The following HMGN5 variants were observed in gnomAD, a reference collection of about 807,000 sequenced individuals.
The protein encoded by HMGN5 is high mobility group nucleosome binding domain 5.
A neutral mutation model predicts 9.5 loss-of-function variants in HMGN5; 4 were observed. The ratio of observed to expected loss-of-function variants is 0.42; its 90% CI spans 0.21 to 0.96. HMGN5 has a LOEUF of 0.96. Among genes scored for constraint, HMGN5 ranks in the 40% least tolerant of loss-of-function variants. The probability of loss-of-function intolerance (pLI) is 0.30; values close to 1 mark genes in which losing one functional copy is unlikely to be tolerated. For missense variants in HMGN5, 192 were observed against 187.5 expected, an observed-to-expected ratio of 1.02 and a Z score of -0.14; for synonymous variants, 55 against 57.1, an observed-to-expected ratio of 0.96 and a Z score of 0.16.
chrX:81,151,428 T>C (rs2075362030), intron 1 of HMGN5, among the ~76,000 whole-genome samples: 1 of 111,226 alleles, frequency 9.0e-6, no homozygotes, highest in Non-Finnish European at 1.9e-5. Context: ...CTTGGCGATG[T>C]AGGCTCTTTT....
chrX:81,157,907 G>A (rs1376449844), intron 1 of HMGN5, among the ~76,000 whole-genome samples: 1 of 109,930 alleles, frequency 9.1e-6, no homozygotes, highest in Non-Finnish European at 1.9e-5. Flanking sequence ...AGCCTCCCAA[G>A]TAGCTGAGAC....
intron 1 of HMGN5, among the ~76,000 whole-genome samples, chrX:81,198,591 G>A (rs1041218524): frequency 8.9e-6 from 1 of 111,800 alleles, no homozygotes; most frequent in African/African-American, 3.3e-5. Flanking sequence ...ATCAATTAAT[G>A]TAATCCATCA....
At chrX:81,124,045 C>T (rs770826274) in intron 1 of HMGN5, among the ~76,000 whole-genome samples, 1 of 112,305 alleles carries the variant, frequency 8.9e-6, no homozygotes, top group East Asian at 2.8e-4. Context: ...CTTAGAGAAG[C>T]AAAGCATAAT....
chrX:81,157,759 T>A (rs985117647), intron 1 of HMGN5, among the ~76,000 whole-genome samples: 5 of 111,186 alleles, frequency 4.5e-5, no homozygotes, highest in African/African-American at 1.3e-4. Context: ...ATATAAAAAA[T>A]TTTATCAACT....
chrX:81,189,876 T>C (rs1483585073), intron 1 of HMGN5, among the ~76,000 whole-genome samples: 1 of 112,490 alleles, frequency 8.9e-6, no homozygotes, highest in African/African-American at 3.2e-5. Flanking sequence ...TTGCTATACA[T>C]TCTCACCAGC....
At chrX:81,178,253 T>TA (rs988649842) in intron 1 of HMGN5, among the ~76,000 whole-genome samples, 1 of 110,776 alleles carries the variant, frequency 9.0e-6, no homozygotes, top group Admixed American at 9.6e-5. Flanking sequence ...AAAAAACCCT[T>TA]AAAAAATCAA....
intron 1 of HMGN5, among the ~76,000 whole-genome samples, chrX:81,152,823 T>C (rs2075367699): frequency 9.2e-6 from 1 of 108,747 alleles, no homozygotes; most frequent in South Asian, 4.1e-4. Context: ...CCATAAAAAA[T>C]GATGAGTTCA....
At chrX:81,147,915 C>A (rs1471426149) in intron 1 of HMGN5, among the ~76,000 whole-genome samples, 1 of 111,391 alleles carries the variant, frequency 9.0e-6, no homozygotes, top group Non-Finnish European at 1.9e-5. Flanking sequence ...CCTAGGAATC[C>A]AACTTACAGG....
intron 1 of HMGN5, among the ~76,000 whole-genome samples, chrX:81,170,539 T>G (rs2075423477): frequency 9.0e-6 from 1 of 111,546 alleles, no homozygotes; most frequent in South Asian, 3.7e-4. Context: ...TGTCTAGTAA[T>G]GTTAATTGCC....
intron 1 of HMGN5, among the ~76,000 whole-genome samples, chrX:81,123,197 ATTT>A (rs1455803708): frequency 2.7e-5 from 3 of 110,087 alleles, no homozygotes; most frequent in Admixed American, 9.7e-5. Context: ...TTGCTATATT[ATTT>A]TTATTTTGTT....
chrX:81,166,263 C>A (rs1324061145), intron 1 of HMGN5, among the ~76,000 whole-genome samples: 1 of 111,142 alleles, frequency 9.0e-6, no homozygotes, highest in Non-Finnish European at 1.9e-5. Flanking sequence ...GGGATTATTA[C>A]CAAATTCTTC....
At chrX:81,143,897 G>T (rs911027267) in intron 1 of HMGN5, among the ~76,000 whole-genome samples, 1 of 112,201 alleles carries the variant, frequency 8.9e-6, no homozygotes, top group African/African-American at 3.2e-5. Context: ...TTTGAACTGG[G>T]CAGAGCCCAC....
At chrX:81,192,778 T>C (rs767839708) in intron 1 of HMGN5, among the ~76,000 whole-genome samples, 1 of 112,261 alleles carries the variant, frequency 8.9e-6, no homozygotes, top group East Asian at 2.8e-4. Context: ...AGCACAGTTA[T>C]ATTCTATGCT....
intron 1 of HMGN5, among the ~76,000 whole-genome samples, chrX:81,146,249 A>T (rs1237724287): frequency 8.9e-6 from 1 of 111,872 alleles, no homozygotes; most frequent in African/African-American, 3.3e-5. Flanking sequence ...ACATAATTGG[A>T]AGTAAAACAC....
intron 1 of HMGN5, among the ~76,000 whole-genome samples, chrX:81,163,149 G>C (rs1394235095): frequency 8.9e-6 from 1 of 111,959 alleles, no homozygotes; most frequent in Non-Finnish European, 1.9e-5. Flanking sequence ...GTCACACATA[G>C]GTGTTTCAGC....
At chrX:81,158,186 T>C (rs773427555) in intron 1 of HMGN5, among the ~76,000 whole-genome samples, 2 of 112,337 alleles carry the variant, frequency 1.8e-5, no homozygotes, top group Admixed American at 9.4e-5. Context: ...GTTCTATAAT[T>C]GCTTTCTTCC....
At chrX:81,135,435 G>T (rs1488479958) in intron 1 of HMGN5, among the ~76,000 whole-genome samples, 2 of 111,604 alleles carry the variant, frequency 1.8e-5, no homozygotes, top group Non-Finnish European at 3.8e-5. Context: ...CAAGTAGAAA[G>T]AACCCAAATG....
chrX:81,181,248 A>T, intron 1 of HMGN5, among the ~76,000 whole-genome samples: 1 of 111,291 alleles, frequency 9.0e-6, no homozygotes, highest in East Asian at 2.8e-4. Context: ...CATCTTTAAC[A>T]CCAAACCTTA....
intron 2 of HMGN5, 100 bp from the exon 3 acceptor site, chrX:81,119,917 A>G (rs2147537066): frequency 1.3e-6 from 1 of 755,698 alleles, no homozygotes; most frequent in Middle Eastern, 2.9e-4. Flanking sequence ...ATAATTGCTT[A>G]TTACTTTCTC....
Sources: gnomAD v4.1 joint callset for allele counts (sites outside exome capture counted in the v4.1 genomes callset) on GRCh38, gnomAD v4.1.1 for gene constraint, MANE v1.5 for transcripts, NCBI Gene and HGNC (gene_info 2026-07-23, HGNC 2026-07-21) for gene names.